Variants in CKAP2L observed in about 807,000 individuals in gnomAD.
CKAP2L encodes cytoskeleton associated protein 2L, also known as cytoskeleton-associated protein 2-like.
A neutral mutation model predicts 65.7 loss-of-function variants in CKAP2L; 42 were observed. The observed-to-expected ratio is 0.64, with a 90% confidence interval of 0.50 to 0.83. CKAP2L has a LOEUF of 0.83. CKAP2L is among the 40% of genes least tolerant of loss of function. CKAP2L has a pLI of 0.00. For missense variants in CKAP2L, 908 were observed against 871.0 expected, an observed-to-expected ratio of 1.04 and a Z score of -0.53; for synonymous variants, 325 against 313.5, an observed-to-expected ratio of 1.04 and a Z score of -0.39.
At position 112,756,128 on chromosome 2, in the gene CKAP2L, CT is replaced by C; in HGVS notation, c.1242del (p.Ala415HisfsTer8). ...TTCAACTTGGAGTCCAAAGTCTGTG[CT>C]TTTTGCTGAAAGCCATTATTGTTAT... ...NKHNNNGFQQ[K>X]AQTLDSKLKK... On this transcript the variant is annotated frameshift_variant, in exon 4 of 9. Transcript: ENST00000302450. LOFTEE classifies it high-confidence loss of function. 6.2e-7 allele frequency: 1 copy of C among 1,614,104 alleles called. No individual in the cohort carries two copies. The highest frequency in any genetic ancestry group is 8.5e-7 in the Non-Finnish European group (1 of 1,180,036).
At chr2:112,762,801 T>G (rs76880854) in intron 1 of CKAP2L, among the ~76,000 whole-genome samples, 62 of 151,856 alleles carry the variant, frequency 4.1e-4, no homozygotes, top group African/African-American at 1.5e-3. Flanking sequence ...TTTTTTTTTT[T>G]GAGACAGGGT....
At position 112,738,233 on chromosome 2, in the gene CKAP2L, TGAG is replaced by T. The variant is rs1222502083; in HGVS notation, c.*587_*589del. On this transcript the variant is annotated 3_prime_UTR_variant, in exon 9 of 9. Coordinates refer to ENST00000302450, the MANE Select transcript of CKAP2L (RefSeq NM_152515.5). ...TGCCAATTCAGGATTGTGTTTCATCTGAGGAGACCTGGCATAGAAAAAACAAGA... is the reference window on the plus strand; with the variant it reads ...TGCCAATTCAGGATTGTGTTTCATCTGAGACCTGGCATAGAAAAAACAAGA... 1.3e-5 allele frequency: 2 copies of T among 152,444 alleles called. No homozygotes were observed. The highest frequency in any genetic ancestry group is 2.9e-5 in the Non-Finnish European group (2 of 68,222). 9.4% of individuals were successfully genotyped at this position (152,444 alleles called of 1,614,324 possible). A position where few individuals can be genotyped will look rare whatever the true frequency, so the allele number is the denominator to read the frequency against.
rs570767062 is a variant in CKAP2L at position 112,752,139 on chromosome 2, C to T, written c.1602+128G>A. On this transcript the variant is annotated intron_variant, in intron 5 of 8. Coordinates refer to ENST00000302450, the MANE Select transcript of CKAP2L (RefSeq NM_152515.5). ...TGGGCATGTCATTATTATTATTACT[C>T]TGTATTTACAAGAGTAGCTAAATTT... The T allele has an allele frequency of 9.1e-6, 6 of 661,394 alleles. No individual in the cohort carries two copies. In the South Asian group the frequency reaches 1.2e-4, roughly 13 times the overall value. 41.0% of individuals were successfully genotyped at this position (661,394 alleles called of 1,614,324 possible).
intron 3 of CKAP2L, among the ~76,000 whole-genome samples, chr2:112,758,022 C>T (rs1220212807): frequency 6.6e-6 from 1 of 152,174 alleles, no homozygotes; most frequent in African/African-American, 2.4e-5. Context: ...AGATCAGTGA[C>T]AAGGAGATAG....
rs1191724219 is a variant in CKAP2L, at chr2:112,752,487, T to A, written c.1395-13A>T. The A allele has an allele frequency of 2.6e-6, 4 of 1,527,030 alleles. No individual in the cohort carries two copies. Among genetic ancestry groups the A allele is most frequent in the Non-Finnish European group, 3.6e-6 (4 of 1,111,054 alleles). The allele number at this position is 1,527,030 out of a possible 1,614,324, so 94.6% of individuals were successfully genotyped here. A position where few individuals can be genotyped will look rare whatever the true frequency, so the allele number is the denominator to read the frequency against. The stretch of plus-strand genomic sequence containing the variant: ...TTCTAGTTGTTTCCTGAAATTCAAT[T>A]AAAGGGAGAGTGGTTTTATTTATTT... On this transcript the variant is annotated splice_polypyrimidine_tract_variant and intron_variant, in intron 4 of 8. Coordinates refer to ENST00000302450, the MANE Select transcript of CKAP2L (RefSeq NM_152515.5).
At chr2:112,739,105 T>C (rs1679655392) in intron 8 of CKAP2L, 57 bp from the exon 9 acceptor site, 5 of 1,313,816 alleles carry the variant, frequency 3.8e-6, no homozygotes, top group Non-Finnish European at 4.3e-6. Context: ...ATTATCTTTA[T>C]TATTTTTTGT....
intron 1 of CKAP2L, 54 bp from the exon 2 acceptor site, chr2:112,762,623 A>G (rs1425421637): frequency 1.4e-6 from 2 of 1,401,628 alleles, no homozygotes; most frequent in Non-Finnish European, 2.0e-6. Context: ...GATTTTAACC[A>G]GTTCATTAAT....
In CKAP2L at chr2:112,756,948, T is replaced by G; in HGVS notation, c.423A>C (p.Ser141=). ...TGELSRKPVG[S]LNIEQLKTTK... ...TAGTTTTCAATTGCTCTATATTAAG[T>G]GACCCCACAGGTTTTCTTGACAGTT... The change falls in exon 4 of 9, where the codon TCA becomes TCC. Residue 141 remains serine (S), a synonymous_variant. Coordinates refer to ENST00000302450, the MANE Select transcript of CKAP2L (RefSeq NM_152515.5). 6.2e-7 allele frequency: 1 copy of G among 1,614,266 alleles called. No individual in the cohort carries two copies. The highest frequency in any genetic ancestry group is 2.2e-5 in the East Asian group (1 of 44,892).
chr2:112,758,931 T>G (rs1411573293), intron 3 of CKAP2L, among the ~76,000 whole-genome samples: 1 of 152,214 alleles, frequency 6.6e-6, no homozygotes. Context: ...CAACCGCTAG[T>G]CTACTTTCTG....
intron 4 of CKAP2L, 40 bp from the exon 5 acceptor site, chr2:112,752,514 T>TA (rs1376317768): frequency 7.8e-7 from 1 of 1,288,572 alleles, no homozygotes; most frequent in African/African-American, 1.5e-5. Flanking sequence ...TATTTATTTT[T>TA]AAACATAGTC....
chr2:112,746,745 C>T (rs1383167971), intron 5 of CKAP2L, among the ~76,000 whole-genome samples, 170 bp from the exon 6 acceptor site: 11 of 151,956 alleles, frequency 7.2e-5, no homozygotes, highest in Admixed American at 7.2e-4. Flanking sequence ...TAATAAAATG[C>T]ACCTGTTTTA....
At chr2:112,742,174 T>C (rs760706575) in intron 7 of CKAP2L, among the ~76,000 whole-genome samples, 2 of 152,202 alleles carry the variant, frequency 1.3e-5, no homozygotes, top group African/African-American at 4.8e-5. Flanking sequence ...TAGCTTGTTT[T>C]TTCTTTCCAT....
intron 8 of CKAP2L, among the ~76,000 whole-genome samples, chr2:112,740,363 G>A (rs919687263): frequency 2.6e-5 from 4 of 152,152 alleles, no homozygotes; most frequent in Non-Finnish European, 4.4e-5. Flanking sequence ...TGACACTGAC[G>A]CCCTGACATA....
Position 112,757,200 on chromosome 2 carries a change from T to G in CKAP2L, c.171A>C (p.Lys57Asn). The change falls in exon 4 of 9, where the codon AAA (lysine) becomes AAC (asparagine). Residue 57 changes from lysine to asparagine, a missense_variant. Transcript: ENST00000302450. Reference protein sequence around the residue: ...QPPSKSTIRPKNDVTNHVVLP... With the variant: ...QPPSKSTIRPNNDVTNHVVLP... The stretch of plus-strand genomic sequence containing the variant: ...AAACAACATGGTTGGTAACATCATT[T>G]TTGGGTCTAATAGTCTGAAAAAACA... 1 of 1,605,904 alleles carries G rather than the reference T, an allele frequency of 6.2e-7. No homozygotes were observed. Among genetic ancestry groups the G allele is most frequent in the Non-Finnish European group, 8.5e-7 (1 of 1,175,802 alleles).
chr2:112,763,407 G>T (rs189206480), intron 1 of CKAP2L, among the ~76,000 whole-genome samples: 41 of 151,994 alleles, frequency 2.7e-4, no homozygotes, highest in Admixed American at 2.5e-3. Context: ...GATAAAATAC[G>T]CCCGGTCTGC....
intron 7 of CKAP2L, chr2:112,742,287 G>T: frequency 1.5e-6 from 1 of 685,902 alleles, no homozygotes. Flanking sequence ...GACAGTGATG[G>T]TCATCCAATT....
chr2:112,755,383 G>A (rs993205599), intron 4 of CKAP2L, among the ~76,000 whole-genome samples: 18 of 152,046 alleles, frequency 1.2e-4, no homozygotes, highest in African/African-American at 3.6e-4. Context: ...CAGGTGATCC[G>A]CTCACCTCGG....
intron 1 of CKAP2L, among the ~76,000 whole-genome samples, chr2:112,762,968 T>TAG (rs1680774000): frequency 6.6e-6 from 1 of 152,092 alleles, no homozygotes; most frequent in Admixed American, 6.6e-5. Flanking sequence ...AAATTTTTTG[T>TAG]AGAGACAGGA....
rs1338891266 is a variant in CKAP2L, at chr2:112,737,718, G to A, written c.*1105C>T. On this transcript the variant is annotated 3_prime_UTR_variant, in exon 9 of 9. Coordinates refer to ENST00000302450, the MANE Select transcript of CKAP2L (RefSeq NM_152515.5). ...TAAAAAAATCTAGTTCCTGGATGAG[G>A]CTGATAGACCTTTGATCAAAGTCCA... 1 of 152,084 alleles carries A rather than the reference G, an allele frequency of 6.6e-6. No individual in the cohort carries two copies. The highest frequency in any genetic ancestry group is 1.5e-5 in the Non-Finnish European group (1 of 68,020). The allele number at this position is 152,084 out of a possible 1,614,324, so 9.4% of individuals were successfully genotyped here. A position where few individuals can be genotyped will look rare whatever the true frequency, so the allele number is the denominator to read the frequency against.
Sources: gnomAD v4.1 joint callset for allele counts (sites outside exome capture counted in the v4.1 genomes callset) on GRCh38, gnomAD v4.1.1 for gene constraint, MANE v1.5 for transcripts, NCBI Gene and HGNC (gene_info 2026-07-23, HGNC 2026-07-21) for gene names.